Variants in DENND5B observed in about 807,000 individuals in gnomAD.
DENND5B encodes DENN domain containing 5B.
Under a neutral mutation model 140.6 loss-of-function variants are expected in DENND5B, and 34 were observed. That is an observed-to-expected ratio of 0.24 (90% CI 0.18 to 0.32). The LOEUF (loss-of-function observed/expected upper bound fraction) is 0.32. DENND5B is among the 10% of genes least tolerant of loss of function. DENND5B has a pLI of 1.00. For missense variants in DENND5B, 1,142 were observed against 1,560.2 expected (o/e 0.73, Z 4.52); for synonymous variants, 551 against 562.1 (o/e 0.98, Z 0.28).
intron 11 of DENND5B, among the ~76,000 whole-genome samples, chr12:31,419,643 CA>C (rs1942926944): frequency 6.6e-6 from 1 of 151,958 alleles, no homozygotes; most frequent in Non-Finnish European, 1.5e-5. Context: ...AAGAGTGACT[CA>C]AAATTCCTGG....
chr12:31,400,485 A>C (rs1941732070), intron 15 of DENND5B, among the ~76,000 whole-genome samples: 1 of 152,236 alleles, frequency 6.6e-6, no homozygotes, highest in Admixed American at 6.5e-5. Flanking sequence ...GACTTCTAAA[A>C]TCTGATAATG....
chr12:31,547,819 C>T (rs932797897), intron 1 of DENND5B, among the ~76,000 whole-genome samples: 1 of 152,108 alleles, frequency 6.6e-6, no homozygotes, highest in Non-Finnish European at 1.5e-5. Flanking sequence ...ATTCTCCTGC[C>T]TCAGCCTCCC....
chr12:31,550,406 A>G (rs1287747401), intron 1 of DENND5B, among the ~76,000 whole-genome samples: 1 of 151,760 alleles, frequency 6.6e-6, no homozygotes, highest in Non-Finnish European at 1.5e-5. Context: ...ATCATTTTTT[A>G]TGGCTGCATA....
intron 1 of DENND5B, among the ~76,000 whole-genome samples, chr12:31,505,097 GTTT>G (rs1297886817): frequency 6.6e-6 from 1 of 152,152 alleles, no homozygotes; most frequent in Non-Finnish European, 1.5e-5. Flanking sequence ...ACTAGCCTGA[GTTT>G]TTATTTGTGT....
intron 1 of DENND5B, among the ~76,000 whole-genome samples, chr12:31,563,501 A>C (rs1463008957): frequency 6.6e-6 from 1 of 152,182 alleles, no homozygotes; most frequent in Non-Finnish European, 1.5e-5. Flanking sequence ...AAAGCAGCAA[A>C]GTTTCTTCCT....
chr12:31,428,364 G>A (rs1293052989), intron 8 of DENND5B, among the ~76,000 whole-genome samples: 1 of 151,940 alleles, frequency 6.6e-6, no homozygotes, highest in Non-Finnish European at 1.5e-5. Flanking sequence ...AATGTTTGCA[G>A]CAGAAAGAAG....
At chr12:31,454,339 T>C (rs990863581) in intron 4 of DENND5B, among the ~76,000 whole-genome samples, 10 of 152,194 alleles carry the variant, frequency 6.6e-5, no homozygotes, top group African/African-American at 2.2e-4. Flanking sequence ...CTTATGGCCT[T>C]TCCCTGCTAT....
intron 1 of DENND5B, among the ~76,000 whole-genome samples, chr12:31,512,385 A>ATTTTTTTT (rs58455943): frequency 7.0e-6 from 1 of 142,254 alleles, no homozygotes; most frequent in Non-Finnish European, 1.5e-5. Context: ...CCCCTGGCTA[A>ATTTTTTTT]TTTTTTTTTT....
intron 1 of DENND5B, among the ~76,000 whole-genome samples, chr12:31,528,922 G>A (rs1316590169): frequency 6.6e-6 from 1 of 151,778 alleles, no homozygotes; most frequent in Non-Finnish European, 1.5e-5. Flanking sequence ...AGCACTTTGG[G>A]AGGCCGAGGC....
intron 14 of DENND5B, among the ~76,000 whole-genome samples, chr12:31,406,988 T>C (rs1329688101): frequency 6.6e-6 from 1 of 151,622 alleles, no homozygotes; most frequent in Non-Finnish European, 1.5e-5. Context: ...TTGGTAGAGA[T>C]GAGGTTTCAC....
chr12:31,418,118 T>C (rs574221365), intron 11 of DENND5B, among the ~76,000 whole-genome samples: 33 of 152,216 alleles, frequency 2.2e-4, no homozygotes, highest in Admixed American at 1.5e-3. Context: ...ACCATGTGGA[T>C]GATAAATAGG....
chr12:31,512,489 C>T (rs1947466635), intron 1 of DENND5B, among the ~76,000 whole-genome samples: 1 of 151,814 alleles, frequency 6.6e-6, no homozygotes, highest in African/African-American at 2.4e-5. Context: ...ACCATGGCCT[C>T]TCAAAGTGCT....
rs1385809305 is a variant in DENND5B at position 31,402,566 on chromosome 12, C to A, written c.2881G>T (p.Val961Leu). 1 of 1,613,912 alleles carries A rather than the reference C, an allele frequency of 6.2e-7. No individual in the cohort carries two copies. The highest frequency in any genetic ancestry group is 8.5e-7 in the Non-Finnish European group (1 of 1,179,848). The change falls in exon 15 of 21, where the codon GTA becomes TTA. Residue 961 changes from valine to leucine, a missense_variant. By Grantham distance (32) the Val-to-Leu change is conservative. Transcript: ENST00000389082. Reference sequence around the variant, plus strand: ...CCTGTGTCTCCCAGCTCTCCTGATACACAGATCCAAGGGTTTGATGTGATT... The same window carrying A: ...CCTGTGTCTCCCAGCTCTCCTGATAAACAGATCCAAGGGTTTGATGTGATT... ...AIITSNPWIC[V>L]SGELGDTGVM...
rs932719249 is a variant in DENND5B at position 31,467,147 on chromosome 12, GA to G, written c.905-6767del. On this transcript the variant is annotated intron_variant, in intron 3 of 20. Transcript: ENST00000389082. ...AGAATATTATCCTCAGAGTACTAAGGAAAAAAAAAAAACTTTTAACATAGAA... is the reference window on the plus strand; with the variant it reads ...AGAATATTATCCTCAGAGTACTAAGGAAAAAAAAAAACTTTTAACATAGAA... 3.7e-3 allele frequency among the ~76,000 whole-genome samples: 263 copies of G among 70,752 alleles called. 1 individual carries two copies. Among genetic ancestry groups the G allele is most frequent in the African/African-American group, 9.8e-3 (217 of 22,104 alleles). 46.4% of individuals were successfully genotyped at this position (70,752 alleles called of 152,430 possible). A position where few individuals can be genotyped will look rare whatever the true frequency, so the allele number is the denominator to read the frequency against.
rs147034390 is a variant in DENND5B at position 31,411,413 on chromosome 12, C to T, written c.2681+2023G>A. 1.2e-3 allele frequency among the ~76,000 whole-genome samples: 175 copies of T among 142,568 alleles called. 2 individuals carry two copies. The East Asian group carries it at 0.032, about 26-fold the overall frequency. 93.5% of individuals were successfully genotyped at this position (142,568 alleles called of 152,430 possible). ...TGGATGGAGTGCAGTGGCGCGATCT[C>T]GGCTCACTGCAACTTCCGCCTCCTG... On this transcript the variant is annotated intron_variant, in intron 13 of 20. Coordinates refer to ENST00000389082, the MANE Select transcript of DENND5B (RefSeq NM_144973.4).
At chr12:31,547,095 T>TA (rs1200046422) in intron 1 of DENND5B, among the ~76,000 whole-genome samples, 1 of 152,244 alleles carries the variant, frequency 6.6e-6, no homozygotes, top group Non-Finnish European at 1.5e-5. Context: ...TGTTGCTTCC[T>TA]ATCAGACAAG....
intron 1 of DENND5B, among the ~76,000 whole-genome samples, chr12:31,554,122 AT>A (rs1421798543): frequency 2.0e-5 from 3 of 152,074 alleles, no homozygotes; most frequent in African/African-American, 7.3e-5. Flanking sequence ...TTAGATGGTT[AT>A]TTTGCTTGTT....
At chr12:31,493,034 C>T (rs746411800) in intron 2 of DENND5B, among the ~76,000 whole-genome samples, 3 of 152,182 alleles carry the variant, frequency 2.0e-5, no homozygotes, top group Non-Finnish European at 2.9e-5. Context: ...CTCCCTAGAG[C>T]GAGCCCAGGC....
At position 31,389,363 on chromosome 12, in the gene DENND5B, T is replaced by C. The variant is rs1941009473; in HGVS notation, c.3602A>G (p.Lys1201Arg). 6.2e-7 allele frequency: 1 copy of C among 1,613,274 alleles called. No individual in the cohort carries two copies. The highest frequency in any genetic ancestry group is 1.3e-5 in the African/African-American group (1 of 75,052). The change falls in exon 20 of 21, where the codon AAG becomes AGG. Residue 1201 changes from lysine to arginine, a missense_variant. Lys to Arg is a conservative substitution (Grantham distance 26). This residue lies in a region of DENND5B where 125 missense variants were observed against 179.0 expected (regional missense o/e 0.70). Transcript: ENST00000389082. ...AINTAPRNIG[K>R]DGKFQILVCL... ...AACTAAAATCTGGAATTTGCCATCC[T>C]TCCCAATGTTCCTGGGTGCAGTATT... is the stretch of plus-strand genomic sequence containing the variant.
Sources: allele counts gnomAD v4.1 joint callset (sites outside exome capture counted in the v4.1 genomes callset), GRCh38; gene constraint gnomAD v4.1.1; regional missense constraint gnomAD v4.1.1; transcripts MANE v1.5; gene names NCBI Gene and HGNC (gene_info 2026-07-23, HGNC 2026-07-21).